The following SDK2 variants were observed in gnomAD, a reference collection of about 807,000 sequenced individuals.
SDK2 encodes sidekick cell adhesion molecule 2, also known as protein sidekick-2.
A neutral mutation model predicts 253.9 loss-of-function variants in SDK2; 105 were observed. That is an observed-to-expected ratio of 0.41 (90% CI 0.35 to 0.49). The LOEUF (loss-of-function observed/expected upper bound fraction) is 0.49, where lower values mean the gene tolerates loss of function less well. Ranked by LOEUF, SDK2 falls within the 20% of genes least tolerant of loss-of-function variation. The probability of loss-of-function intolerance (pLI) is 0.06; values close to 1 mark genes in which losing one functional copy is unlikely to be tolerated. For synonymous variants in SDK2, 1,249 were observed against 1,234.9 expected, an observed-to-expected ratio of 1.01 and a Z score of -0.24; for missense variants, 2,608 against 3,003.0, an observed-to-expected ratio of 0.87 and a Z score of 3.07.
intron 41 of SDK2, among the ~76,000 whole-genome samples, chr17:73,351,472 G>A (rs867168263): frequency 1.1e-4 from 17 of 152,136 alleles, no homozygotes; most frequent in African/African-American, 3.9e-4. Flanking sequence ...CTAAATCTGT[G>A]TGGGGAAAGG....
At chr17:73,606,825 TGGTGACATAGTG>T (rs905697322) in intron 1 of SDK2, among the ~76,000 whole-genome samples, 11 of 151,192 alleles carry the variant, frequency 7.3e-5, no homozygotes, top group Non-Finnish European at 1.0e-4. Flanking sequence ...ATTCTGGGAG[TGGTGACATAGTG>T]GGTGAGAAGG....
intron 1 of SDK2, among the ~76,000 whole-genome samples, chr17:73,551,291 A>T (rs1394098169): frequency 6.6e-6 from 1 of 152,096 alleles, no homozygotes; most frequent in Non-Finnish European, 1.5e-5. Context: ...CCGATTCATC[A>T]AGCTCCCCGT....
chr17:73,419,904 C>T (rs901809138), intron 15 of SDK2, among the ~76,000 whole-genome samples: 3 of 150,826 alleles, frequency 2.0e-5, no homozygotes, highest in African/African-American at 7.4e-5. Flanking sequence ...AATTAATGTA[C>T]ATGTTTTTGG....
intron 1 of SDK2, among the ~76,000 whole-genome samples, chr17:73,532,016 T>C (rs78235156): frequency 0.033 from 5,056 of 152,218 alleles, 246 homozygotes; most frequent in African/African-American, 0.11. Context: ...CTCTATGCAT[T>C]CGTCTCTCTC....
Position 73,338,484 on chromosome 17 carries a change from T to G in SDK2, c.*103A>C, listed in dbSNP as rs560080431. ...AAAAATAAACTCAGGAGGTGAAAAG[T>G]TGACTTGGTTTCTTGGTGTTTTTGT... On this transcript the variant is annotated 3_prime_UTR_variant, in exon 45 of 45. Transcript: ENST00000392650. The surrounding 1 kb of genome is among the most constrained non-coding windows in gnomAD (Gnocchi z 5.0). 1 of 766,646 alleles carries G rather than the reference T, an allele frequency of 1.3e-6. No individual in the cohort carries two copies. Among genetic ancestry groups the G allele is most frequent in the Non-Finnish European group, 2.2e-6 (1 of 458,182 alleles). 47.5% of individuals were successfully genotyped at this position (766,646 alleles called of 1,614,324 possible).
Position 73,527,969 on chromosome 17 carries a change from G to A in SDK2, c.65-20372C>T, listed in dbSNP as rs572441378. 3.3e-5 allele frequency among the ~76,000 whole-genome samples: 5 copies of A among 152,234 alleles called. No homozygotes were observed. In the South Asian group the frequency reaches 1.0e-3, roughly 32 times the overall value. On this transcript the variant is annotated intron_variant, in intron 1 of 44. Transcript: ENST00000392650. ...TTTGGAGGTGGAACCAAGAAGACCT[G>A]TGTTAGATTGGAGGGCGGGGGTTGT...
At chr17:73,560,242 A>C (rs568344029) in intron 1 of SDK2, among the ~76,000 whole-genome samples, 7 of 152,364 alleles carry the variant, frequency 4.6e-5, no homozygotes, top group Non-Finnish European at 2.9e-5. Context: ...AAGACTGAAT[A>C]ACCAGAAATG....
intron 2 of SDK2, among the ~76,000 whole-genome samples, chr17:73,497,300 C>G (rs2063849792): frequency 6.6e-6 from 1 of 152,150 alleles, no homozygotes; most frequent in Admixed American, 6.5e-5. Flanking sequence ...CTCCAGGCTT[C>G]CCCTCTCCCA....
intron 32 of SDK2, among the ~76,000 whole-genome samples, chr17:73,385,494 G>C (rs533551907): frequency 6.6e-6 from 1 of 152,250 alleles, no homozygotes; most frequent in East Asian, 1.9e-4. Flanking sequence ...GGACTCAGCA[G>C]GCCTAAGGCT....
chr17:73,513,066 A>G (rs977176812), intron 1 of SDK2, among the ~76,000 whole-genome samples: 2 of 152,280 alleles, frequency 1.3e-5, no homozygotes, highest in Admixed American at 1.3e-4. Context: ...CTCGCCAAGT[A>G]CTTTCTAAGT....
At chr17:73,461,954 T>A (rs1369504568) in intron 3 of SDK2, among the ~76,000 whole-genome samples, 1 of 152,134 alleles carries the variant, frequency 6.6e-6, no homozygotes, top group Non-Finnish European at 1.5e-5. Flanking sequence ...TTTACATGTA[T>A]GCATTATTGG....
intron 40 of SDK2, among the ~76,000 whole-genome samples, chr17:73,356,846 A>G (rs2062596134): frequency 6.6e-6 from 1 of 152,210 alleles, no homozygotes; most frequent in Non-Finnish European, 1.5e-5. Flanking sequence ...CACAGCCCAC[A>G]AACTTGGAAC....
At chr17:73,357,780 C>A in intron 40 of SDK2, 1 of 487,204 alleles carries the variant, frequency 2.1e-6, no homozygotes, top group South Asian at 1.9e-5. Flanking sequence ...CGGTGTGTGA[C>A]CCACGTGAGC....
intron 1 of SDK2, among the ~76,000 whole-genome samples, chr17:73,547,209 A>T (rs373993317): frequency 1.2e-3 from 181 of 152,336 alleles, no homozygotes; most frequent in African/African-American, 4.1e-3. Context: ...GCTCTAAGCC[A>T]CGCCCCCTCT....
intron 18 of SDK2, 75 bp downstream of exon 18, chr17:73,414,569 C>T: frequency 8.8e-7 from 1 of 1,134,300 alleles, no homozygotes; most frequent in African/African-American, 1.5e-5. Context: ...TTCCTCCTGC[C>T]CACTCTGTCC....
intron 18 of SDK2, among the ~76,000 whole-genome samples, chr17:73,412,448 A>G (rs2063147393): frequency 6.6e-6 from 1 of 151,862 alleles, no homozygotes; most frequent in African/African-American, 2.4e-5. Context: ...TACTGCTATT[A>G]TTACTATTAT....
chr17:73,394,547 A>G lies in SDK2; in HGVS notation c.3593-223T>C, dbSNP rs541975217. 2.0e-5 allele frequency among the ~76,000 whole-genome samples: 3 copies of G among 152,326 alleles called. No homozygotes were observed. The East Asian group carries it at 5.8e-4, about 29-fold the overall frequency. ...TTTCCGGTTTCAGATGAGCCTCCTC[A>G]CAGGATTCTCTGCTCAGGTTAGGAT... On this transcript the variant is annotated intron_variant, in intron 25 of 44. Coordinates refer to ENST00000392650, the MANE Select transcript of SDK2 (RefSeq NM_001144952.2).
intron 2 of SDK2, among the ~76,000 whole-genome samples, chr17:73,479,899 G>A (rs1046243024): frequency 2.0e-5 from 3 of 152,170 alleles, no homozygotes; most frequent in Admixed American, 6.5e-5. Context: ...CGCCATGTTG[G>A]CCAGGCTGAT....
intron 1 of SDK2, among the ~76,000 whole-genome samples, chr17:73,530,784 T>G (rs1425393664): frequency 6.6e-6 from 1 of 152,212 alleles, no homozygotes; most frequent in Non-Finnish European, 1.5e-5. Context: ...CAGAAGGGAA[T>G]CATTTTGAGC....
Sources: allele counts gnomAD v4.1 joint callset (sites outside exome capture counted in the v4.1 genomes callset), GRCh38; gene constraint gnomAD v4.1.1; non-coding constraint Gnocchi (gnomAD v3.1); transcripts MANE v1.5; gene names NCBI Gene and HGNC (gene_info 2026-07-23, HGNC 2026-07-21).